PCDH15: variants seen among roughly 807,000 people sequenced by gnomAD.
PCDH15 encodes protocadherin-15.
A neutral mutation model predicts 178.5 loss-of-function variants in PCDH15; 129 were observed. That is an observed-to-expected ratio of 0.72 (90% confidence interval 0.63 to 0.84). PCDH15 has a LOEUF of 0.84. PCDH15 is among the 40% of genes least tolerant of loss of function. The pLI is 0.00. For missense variants in PCDH15, 2,230 were observed against 2,099.9 expected, an observed-to-expected ratio of 1.06 and a Z score of -1.21; for synonymous variants, 800 against 732.0, an observed-to-expected ratio of 1.09 and a Z score of -1.50.
At chr10:54,422,968 T>C (rs1445979415) in intron 3 of PCDH15, among the ~76,000 whole-genome samples, 1 of 152,140 alleles carries the variant, frequency 6.6e-6, no homozygotes, top group African/African-American at 2.4e-5. Context: ...ATAAATCTCA[T>C]TTGCCTAATA....
At chr10:55,246,364 A>G (rs1841679683) in intron 1 of PCDH15, among the ~76,000 whole-genome samples, 1 of 152,196 alleles carries the variant, frequency 6.6e-6, no homozygotes, top group Non-Finnish European at 1.5e-5. Context: ...GAGAATAAAT[A>G]CACGTTATCT....
At chr10:54,670,349 G>A (rs757172509) in intron 1 of PCDH15, among the ~76,000 whole-genome samples, 1 of 152,028 alleles carries the variant, frequency 6.6e-6, no homozygotes, top group Non-Finnish European at 1.5e-5. Context: ...CCAAGCTCTG[G>A]CATTCTTATA....
intron 20 of PCDH15, among the ~76,000 whole-genome samples, chr10:54,016,589 A>T (rs1425724485): frequency 6.6e-6 from 1 of 152,226 alleles, no homozygotes; most frequent in African/African-American, 2.4e-5. Flanking sequence ...AGCAACATGG[A>T]TGCAACTAGA....
intron 15 of PCDH15, among the ~76,000 whole-genome samples, chr10:54,118,684 TA>T (rs532610236): frequency 4.6e-5 from 7 of 150,930 alleles, no homozygotes; most frequent in East Asian, 3.9e-4. Context: ...AAATAAATAT[TA>T]AAAAAAATAA....
At chr10:54,016,495 G>A (rs1266308964) in intron 20 of PCDH15, among the ~76,000 whole-genome samples, 1 of 145,792 alleles carries the variant, frequency 6.9e-6, no homozygotes, top group Non-Finnish European at 1.6e-5. Context: ...CCCATCAATG[G>A]TAGACTAAAT....
intron 1 of PCDH15, among the ~76,000 whole-genome samples, chr10:55,201,092 T>C (rs1301000020): frequency 6.6e-6 from 1 of 152,084 alleles, no homozygotes; most frequent in African/African-American, 2.4e-5. Context: ...CAACAACACA[T>C]AACCTGAGGC....
chr10:54,293,837 T>C (rs575230826), intron 8 of PCDH15, among the ~76,000 whole-genome samples: 4 of 152,288 alleles, frequency 2.6e-5, no homozygotes, highest in East Asian at 3.9e-4. Flanking sequence ...GGAGAGGATA[T>C]GAAGAAATAG....
chr10:55,046,779 T>C (rs1160541944), intron 2 of PCDH15, among the ~76,000 whole-genome samples: 1 of 151,992 alleles, frequency 6.6e-6, no homozygotes, highest in African/African-American at 2.4e-5. Context: ...AAGCAGTGCA[T>C]AAATTATGGC....
intron 2 of PCDH15, among the ~76,000 whole-genome samples, chr10:55,372,317 T>C (rs556525834): frequency 6.6e-6 from 1 of 151,882 alleles, no homozygotes; most frequent in Non-Finnish European, 1.5e-5. Context: ...CCCACCCATA[T>C]GGCAGGCACC....
intron 3 of PCDH15, among the ~76,000 whole-genome samples, chr10:54,476,393 C>T (rs1461560390): frequency 6.6e-6 from 1 of 151,994 alleles, no homozygotes; most frequent in Non-Finnish European, 1.5e-5. Flanking sequence ...ATTAAGATAA[C>T]ATAATCATTT....
In PCDH15 at chr10:53,823,156, C is replaced by CACTT. The variant is rs2132508767; in HGVS notation, c.4368-2930_4368-2927dup. On this transcript the variant is annotated intron_variant, in intron 32 of 37. Coordinates refer to ENST00000644397, the MANE Select transcript of PCDH15 (RefSeq NM_001384140.1). Reference sequence around the variant, plus strand: ...TTTTCCTTATAAAGGGGATTATGGGCACTTAAGTCATCCTCATCAGATAGA... The same window carrying CACTT: ...TTTTCCTTATAAAGGGGATTATGGGCACTTACTTAAGTCATCCTCATCAGATAGA... 1 of 1,613,934 alleles carries CACTT rather than the reference C, an allele frequency of 6.2e-7. No homozygotes were observed. The highest frequency in any genetic ancestry group is 8.5e-7 in the Non-Finnish European group (1 of 1,179,900).
At chr10:55,415,179 T>G (rs1262878235) in intron 2 of PCDH15, among the ~76,000 whole-genome samples, 1 of 151,592 alleles carries the variant, frequency 6.6e-6, no homozygotes, top group African/African-American at 2.4e-5. Context: ...TTATGTAGTT[T>G]TTTCATTCTG....
intron 8 of PCDH15, among the ~76,000 whole-genome samples, chr10:54,263,334 T>G (rs2384430): frequency 0.68 from 103,972 of 152,008 alleles, 36,552 homozygotes; most frequent in Middle Eastern, 0.76. Flanking sequence ...ACTAAAAGGG[T>G]CACCACCAAG....
intron 2 of PCDH15, among the ~76,000 whole-genome samples, chr10:55,105,101 G>A (rs2132049743): frequency 6.6e-6 from 1 of 152,308 alleles, no homozygotes; most frequent in East Asian, 1.9e-4. Flanking sequence ...TCTCTCTGCT[G>A]AGAATGGTGT....
chr10:54,902,752 G>T (rs1954657953), intron 2 of PCDH15, among the ~76,000 whole-genome samples: 2 of 152,110 alleles, frequency 1.3e-5, no homozygotes, highest in African/African-American at 2.4e-5. Context: ...GTTGTAATCT[G>T]CTCTAGATAA....
At position 53,803,737 on chromosome 10, in the gene PCDH15, T is replaced by A. The variant is rs1841001064; in HGVS notation, c.*2842A>T. On this transcript the variant is annotated 3_prime_UTR_variant, in exon 38 of 38. Transcript: ENST00000644397. ...CCATATTTTCTCATTCTTCCTCTGC[T>A]TTCCCTTAATGCCCACAAGACCTTC... 7 of 151,932 alleles carry A rather than the reference T, an allele frequency of 4.6e-5. No homozygotes were observed. The highest frequency in any genetic ancestry group is 4.6e-4 in the Admixed American group (7 of 15,224). 9.4% of individuals were successfully genotyped at this position (151,932 alleles called of 1,614,324 possible).
At chr10:54,374,441 TTTCTG>T (rs1948114635) in intron 4 of PCDH15, among the ~76,000 whole-genome samples, 1 of 151,848 alleles carries the variant, frequency 6.6e-6, no homozygotes, top group Non-Finnish European at 1.5e-5. Flanking sequence ...CATACTTTTC[TTTCTG>T]TTATTATTTT....
chr10:55,355,955 C>T (rs1335227014), intron 2 of PCDH15, among the ~76,000 whole-genome samples: 2 of 151,880 alleles, frequency 1.3e-5, no homozygotes, highest in African/African-American at 4.8e-5. Flanking sequence ...TTCCTACACA[C>T]CCTTGGCTAC....
At chr10:54,010,699 G>A (rs572409640) in intron 20 of PCDH15, among the ~76,000 whole-genome samples, 6 of 152,110 alleles carry the variant, frequency 3.9e-5, no homozygotes, top group Admixed American at 6.6e-5. Flanking sequence ...TTGGGCTGGG[G>A]AGGAACAAAG....
Sources: gnomAD v4.1 joint callset for allele counts (sites outside exome capture counted in the v4.1 genomes callset) on GRCh38, gnomAD v4.1.1 for gene constraint, MANE v1.5 for transcripts, NCBI Gene and HGNC (gene_info 2026-07-23, HGNC 2026-07-21) for gene names.